Variants in DLGAP2 observed in about 807,000 individuals in gnomAD.
The protein encoded by DLGAP2 is disks large-associated protein 2.
Under a neutral mutation model 100.3 loss-of-function variants are expected in DLGAP2, and 26 were observed. That is an observed-to-expected ratio of 0.26 (90% CI 0.19 to 0.36). The LOEUF is 0.36. Among genes scored for constraint, DLGAP2 ranks in the 10% least tolerant of loss-of-function variants. The pLI is 1.00. For synonymous variants in DLGAP2, 886 were observed against 630.1 expected (o/e 1.41, Z -6.08); for missense variants, 1,858 against 1,453.2 (o/e 1.28, Z -4.53).
rs373830008 is a variant in DLGAP2 at position 1,043,829 on chromosome 8, TAGA to T, written c.73+135866_73+135868del. ...TGGGCAATGCCTCTTTGGCTGCTGT[TAGA>T]AGGACACAGTAAGGCAGTGAAGCAA... On this transcript the variant is annotated intron_variant, in intron 2 of 14. Transcript: ENST00000637795. 1.9e-3 allele frequency among the ~76,000 whole-genome samples: 284 copies of T among 152,142 alleles called. 1 individual carries two copies. Among genetic ancestry groups the T allele is most frequent in the African/African-American group, 6.5e-3 (271 of 41,480 alleles).
intron 2 of DLGAP2, among the ~76,000 whole-genome samples, chr8:1,028,153 G>T (rs1429898618): frequency 1.4e-5 from 2 of 138,498 alleles, no homozygotes; most frequent in East Asian, 4.5e-4. Context: ...TATTCTCCAG[G>T]TGGGGTACCA....
At chr8:1,635,974 A>C (rs982690610) in intron 8 of DLGAP2, among the ~76,000 whole-genome samples, 4 of 152,214 alleles carry the variant, frequency 2.6e-5, no homozygotes, top group African/African-American at 9.6e-5. Context: ...GTAAGAACAG[A>C]ATACCCTGTG....
intron 3 of DLGAP2, among the ~76,000 whole-genome samples, chr8:1,285,462 G>T (rs1251090604): frequency 6.6e-6 from 1 of 152,160 alleles, no homozygotes; most frequent in East Asian, 1.9e-4. Context: ...TATGAGTAGA[G>T]CCTGTCCTGG....
intron 3 of DLGAP2, among the ~76,000 whole-genome samples, chr8:1,287,191 C>A (rs1472210245): frequency 1.0e-5 from 1 of 98,076 alleles, no homozygotes; most frequent in Admixed American, 1.3e-4. Flanking sequence ...AGGAGGGGAA[C>A]TAGTTTTGGT....
At chr8:1,581,016 A>G (rs932804767) in intron 6 of DLGAP2, among the ~76,000 whole-genome samples, 3 of 148,650 alleles carry the variant, frequency 2.0e-5, no homozygotes, top group Non-Finnish European at 4.5e-5. Context: ...CCACACATAT[A>G]CACACACACC....
chr8:1,190,850 C>T (rs533300288), intron 2 of DLGAP2, among the ~76,000 whole-genome samples: 7 of 152,142 alleles, frequency 4.6e-5, no homozygotes, highest in South Asian at 4.2e-4. Context: ...AGGCTCCAGG[C>T]GCACGCAGCA....
At chr8:1,058,082 A>G (rs1802936106) in intron 2 of DLGAP2, among the ~76,000 whole-genome samples, 1 of 152,204 alleles carries the variant, frequency 6.6e-6, no homozygotes, top group Non-Finnish European at 1.5e-5. Context: ...TGCTCTGCCA[A>G]ATTCCCCGAG....
chr8:928,715 G>A (rs28565321), intron 2 of DLGAP2, among the ~76,000 whole-genome samples: 26,326 of 152,052 alleles, frequency 0.17, 2,562 homozygotes, highest in Non-Finnish European at 0.22. Context: ...GTGTCCACAT[G>A]TGGAGGAAAT....
chr8:960,255 C>G (rs1470384637), intron 2 of DLGAP2, among the ~76,000 whole-genome samples: 6 of 470 alleles, frequency 0.013, 1 homozygote, highest in African/African-American at 0.019. Context: ...TTTTTTTTCC[C>G]GAGACACTCT....
chr8:1,416,555 AC>A (rs1216950898), intron 3 of DLGAP2, among the ~76,000 whole-genome samples: 1 of 152,084 alleles, frequency 6.6e-6, no homozygotes, highest in African/African-American at 2.4e-5. Context: ...CTGAACCAGA[AC>A]CCCTCTGCCT....
At chr8:1,168,220 T>C (rs1379550978) in intron 2 of DLGAP2, among the ~76,000 whole-genome samples, 1 of 152,088 alleles carries the variant, frequency 6.6e-6, no homozygotes, top group Non-Finnish European at 1.5e-5. Flanking sequence ...CTCATCATTT[T>C]TTATGGTTGC....
At chr8:941,956 G>C (rs1799206782) in intron 2 of DLGAP2, among the ~76,000 whole-genome samples, 1 of 152,130 alleles carries the variant, frequency 6.6e-6, no homozygotes, top group Non-Finnish European at 1.5e-5. Flanking sequence ...GGGTGCTGAT[G>C]CATCATCAGT....
At chr8:1,065,336 T>A (rs1803212849) in intron 2 of DLGAP2, among the ~76,000 whole-genome samples, 1 of 152,218 alleles carries the variant, frequency 6.6e-6, no homozygotes, top group Non-Finnish European at 1.5e-5. Flanking sequence ...ATGACTAGCA[T>A]CAGGAAAAAA....
At chr8:777,174 C>T (rs1186776247) in intron 1 of DLGAP2, among the ~76,000 whole-genome samples, 1 of 151,988 alleles carries the variant, frequency 6.6e-6, no homozygotes, top group Admixed American at 6.6e-5. Flanking sequence ...GATTGCAACC[C>T]CTGCCTTTTT....
At chr8:1,170,160 G>A (rs1458120921) in intron 2 of DLGAP2, among the ~76,000 whole-genome samples, 1 of 152,136 alleles carries the variant, frequency 6.6e-6, no homozygotes, top group Non-Finnish European at 1.5e-5. Context: ...TTTGTCTTTG[G>A]TTCTGTTTAT....
chr8:984,630 A>G (rs1159398625), intron 2 of DLGAP2, among the ~76,000 whole-genome samples: 2 of 152,204 alleles, frequency 1.3e-5, no homozygotes, highest in Non-Finnish European at 2.9e-5. Context: ...CTCCAAGAAC[A>G]GCGGTGTAAA....
intron 2 of DLGAP2, among the ~76,000 whole-genome samples, chr8:1,030,830 C>T (rs6987551): frequency 2.5e-4 from 38 of 152,246 alleles, no homozygotes; most frequent in Admixed American, 1.9e-3. Flanking sequence ...AGCGGGGCCG[C>T]GGGCGGGACC....
intron 8 of DLGAP2, among the ~76,000 whole-genome samples, chr8:1,638,225 A>T (rs1284532492): frequency 6.6e-6 from 1 of 152,128 alleles, no homozygotes; most frequent in East Asian, 1.9e-4. Flanking sequence ...GGACCTGAGA[A>T]TGTGACTGCG....
intron 2 of DLGAP2, among the ~76,000 whole-genome samples, chr8:1,061,207 C>T (rs1049417799): frequency 5.9e-5 from 9 of 152,154 alleles, no homozygotes; most frequent in African/African-American, 2.2e-4. Context: ...GGAATCGTCG[C>T]CCATCCCTCG....
Sources: gnomAD v4.1 joint callset for allele counts (sites outside exome capture counted in the v4.1 genomes callset) on GRCh38, gnomAD v4.1.1 for gene constraint, MANE v1.5 for transcripts, NCBI Gene and HGNC (gene_info 2026-07-23, HGNC 2026-07-21) for gene names.